The following PSD3 variants were observed in gnomAD, a reference collection of about 807,000 sequenced individuals.
PSD3 encodes pleckstrin and Sec7 domain containing 3.
Under a neutral mutation model 105.5 loss-of-function variants are expected in PSD3, and 49 were observed. That is an observed-to-expected ratio of 0.46 (90% confidence interval 0.37 to 0.59). The LOEUF is 0.59. PSD3 is among the 20% of genes least tolerant of loss of function. PSD3 has a pLI of 0.00. For synonymous variants in PSD3, 557 were observed against 457.8 expected (o/e 1.22, Z -2.77); for missense variants, 1,561 against 1,263.8 (o/e 1.24, Z -3.57).
At chr8:18,671,121 G>C (rs971961560) in intron 9 of PSD3, among the ~76,000 whole-genome samples, 2 of 152,238 alleles carry the variant, frequency 1.3e-5, no homozygotes, top group African/African-American at 2.4e-5. Context: ...ATTATGATGG[G>C]AGGCAGCAAA....
At chr8:18,557,374 A>G (rs549355138) in intron 14 of PSD3, 2 of 152,436 alleles carry the variant, frequency 1.3e-5, no homozygotes, top group African/African-American at 2.4e-5. Context: ...CAGAAAATGA[A>G]TAACTATGGA....
chr8:18,682,354 T>C (rs1480482488), intron 9 of PSD3, among the ~76,000 whole-genome samples: 2 of 152,236 alleles, frequency 1.3e-5, no homozygotes, highest in Non-Finnish European at 2.9e-5. Context: ...TTTATAGCCA[T>C]GTTGAGAATT....
chr8:19,049,408 T>A (rs1355082946), intron 1 of PSD3, among the ~76,000 whole-genome samples: 1 of 152,164 alleles, frequency 6.6e-6, no homozygotes, highest in Non-Finnish European at 1.5e-5. Flanking sequence ...AAGGATGATG[T>A]GCCAGGCACA....
At chr8:18,740,576 G>A (rs1258529348) in intron 9 of PSD3, among the ~76,000 whole-genome samples, 1 of 152,094 alleles carries the variant, frequency 6.6e-6, no homozygotes, top group Non-Finnish European at 1.5e-5. Context: ...GCTTAACCTT[G>A]ACAGCCCCTC....
intron 1 of PSD3, among the ~76,000 whole-genome samples, chr8:18,945,442 C>T (rs1475746836): frequency 1.3e-5 from 2 of 152,164 alleles, no homozygotes; most frequent in Non-Finnish European, 2.9e-5. Flanking sequence ...AAATGTAGCT[C>T]TAGAGTCTAG....
At chr8:18,965,276 A>G (rs916945644) in intron 1 of PSD3, among the ~76,000 whole-genome samples, 6 of 152,156 alleles carry the variant, frequency 3.9e-5, no homozygotes, top group Admixed American at 3.9e-4. Flanking sequence ...TTTCACACTC[A>G]GTTATATGTC....
intron 14 of PSD3, among the ~76,000 whole-genome samples, chr8:18,564,296 G>A (rs1801592231): frequency 1.3e-5 from 2 of 152,096 alleles, no homozygotes; most frequent in South Asian, 4.1e-4. Context: ...AGTGATCTAG[G>A]TAGAATATGA....
intron 1 of PSD3, among the ~76,000 whole-genome samples, chr8:18,949,577 A>G (rs1386342011): frequency 6.6e-6 from 1 of 152,154 alleles, no homozygotes; most frequent in African/African-American, 2.4e-5. Context: ...CATGAGCTTC[A>G]TATCACAAAG....
intron 9 of PSD3, among the ~76,000 whole-genome samples, chr8:18,687,847 A>G (rs59353482): frequency 0.036 from 5,441 of 151,814 alleles, 439 homozygotes; most frequent in East Asian, 0.2. Context: ...GCTGACTGTA[A>G]CCTCCGCCTC....
intron 4 of PSD3, among the ~76,000 whole-genome samples, chr8:18,853,106 G>A (rs1815724427): frequency 6.6e-6 from 1 of 152,030 alleles, no homozygotes; most frequent in African/African-American, 2.4e-5. Flanking sequence ...TATATTTCAT[G>A]GCCTTTTTCC....
chr8:18,718,593 A>G (rs1403041728), intron 9 of PSD3, among the ~76,000 whole-genome samples: 1 of 152,252 alleles, frequency 6.6e-6, no homozygotes, highest in East Asian at 1.9e-4. Flanking sequence ...TAATCAGAAG[A>G]ATATTAACAA....
At chr8:18,763,932 C>A (rs1048856948) in intron 9 of PSD3, among the ~76,000 whole-genome samples, 2 of 152,146 alleles carry the variant, frequency 1.3e-5, no homozygotes, top group African/African-American at 4.8e-5. Flanking sequence ...GGTTTATAAA[C>A]ATAATCTCAT....
chr8:18,663,198 G>C (rs945057908), intron 9 of PSD3, among the ~76,000 whole-genome samples: 1 of 152,126 alleles, frequency 6.6e-6, no homozygotes, highest in Non-Finnish European at 1.5e-5. Flanking sequence ...GAGCCGCAGA[G>C]GGAGGATCAC....
At chr8:18,976,260 T>C (rs1241907403) in intron 1 of PSD3, among the ~76,000 whole-genome samples, 1 of 152,094 alleles carries the variant, frequency 6.6e-6, no homozygotes, top group Admixed American at 6.6e-5. Context: ...ACGAAGACAG[T>C]TCACAAAAAA....
chr8:18,819,802 C>T (rs1425638104), intron 4 of PSD3, among the ~76,000 whole-genome samples: 1 of 152,116 alleles, frequency 6.6e-6, no homozygotes, highest in African/African-American at 2.4e-5. Flanking sequence ...TGATCTTGAT[C>T]TCCTGACCTC....
At position 19,031,961 on chromosome 8, in the gene PSD3, G is replaced by A. The variant is rs144696492; in HGVS notation, c.324+52245C>T. Reference sequence around the variant, plus strand: ...TACTTTGAAAATTTCCTAATTAGACGCATCCCACAATCTCTTCTATTTTGG... The same window carrying A: ...TACTTTGAAAATTTCCTAATTAGACACATCCCACAATCTCTTCTATTTTGG... On this transcript the variant is annotated intron_variant, in intron 1 of 1. Transcript: ENST00000521475. Among the ~76,000 whole-genome samples the A allele has an allele frequency of 3.9e-5, 6 of 152,086 alleles. No homozygotes were observed. In the East Asian group the frequency reaches 7.7e-4, roughly 20 times the overall value.
chr8:18,810,997 T>C (rs1476997140), intron 4 of PSD3, among the ~76,000 whole-genome samples: 1 of 152,202 alleles, frequency 6.6e-6, no homozygotes, highest in Non-Finnish European at 1.5e-5. Flanking sequence ...ATTTTGTCCA[T>C]CATTATCTAT....
At chr8:18,671,523 A>G (rs1001044475) in intron 9 of PSD3, among the ~76,000 whole-genome samples, 2 of 152,214 alleles carry the variant, frequency 1.3e-5, no homozygotes, top group African/African-American at 4.8e-5. Context: ...ACAATGAATT[A>G]AAGGTTAACT....
intron 15 of PSD3, among the ~76,000 whole-genome samples, chr8:18,548,112 T>A (rs1288471055): frequency 6.6e-6 from 1 of 152,232 alleles, no homozygotes; most frequent in Non-Finnish European, 1.5e-5. Context: ...ATTGCATTTT[T>A]AAAATGTCAT....
Sources: gnomAD v4.1 joint callset for allele counts (sites outside exome capture counted in the v4.1 genomes callset) on GRCh38, gnomAD v4.1.1 for gene constraint, MANE v1.5 for transcripts, NCBI Gene and HGNC (gene_info 2026-07-23, HGNC 2026-07-21) for gene names.